Variants in CDH18 observed in about 807,000 individuals in gnomAD.
CDH18 encodes the protein cadherin 18.
Under a neutral mutation model 67.9 loss-of-function variants are expected in CDH18, and 31 were observed. The ratio of observed to expected loss-of-function variants is 0.46; its 90% CI spans 0.34 to 0.62. The LOEUF is 0.62. CDH18 is among the 20% of genes least tolerant of loss of function. The probability of loss-of-function intolerance (pLI) is 0.01; values close to 1 mark genes in which losing one functional copy is unlikely to be tolerated. For missense variants in CDH18, 890 were observed against 975.5 expected (o/e 0.91, Z 1.17); for synonymous variants, 362 against 347.2 (o/e 1.04, Z -0.48).
chr5:20,245,831 C>T (rs933973744), intron 2 of CDH18, among the ~76,000 whole-genome samples: 11 of 152,098 alleles, frequency 7.2e-5, no homozygotes, highest in Non-Finnish European at 4.4e-5. Context: ...TTAATCTTAA[C>T]TGTGCTATGA....
chr5:20,330,886 C>T (rs1384396825), intron 1 of CDH18, among the ~76,000 whole-genome samples: 3 of 152,276 alleles, frequency 2.0e-5, no homozygotes, highest in East Asian at 3.9e-4. Flanking sequence ...TAAACTTTCA[C>T]TCGTGCTTGA....
chr5:19,826,122 G>A (rs933785469), intron 3 of CDH18, among the ~76,000 whole-genome samples: 6 of 108,014 alleles, frequency 5.6e-5, no homozygotes, highest in Non-Finnish European at 1.1e-4. Flanking sequence ...CCAAGCTGAG[G>A]AAATAATCTC....
At chr5:20,459,035 CAAA>C (rs1751042431) in intron 1 of CDH18, among the ~76,000 whole-genome samples, 3 of 74,676 alleles carry the variant, frequency 4.0e-5, no homozygotes, top group Non-Finnish European at 7.5e-5. Flanking sequence ...AAATGATACA[CAAA>C]ACAAAATACT....
chr5:19,516,012 A>T (rs1027081166), intron 10 of CDH18, among the ~76,000 whole-genome samples: 1 of 152,114 alleles, frequency 6.6e-6, no homozygotes, highest in Non-Finnish European at 1.5e-5. Context: ...TATTATTTTG[A>T]GATACATTCC....
At chr5:19,529,996 A>C (rs1164152923) in intron 9 of CDH18, among the ~76,000 whole-genome samples, 2 of 152,160 alleles carry the variant, frequency 1.3e-5, no homozygotes, top group Admixed American at 1.3e-4. Context: ...CAATTTCAAA[A>C]AGGAGGAAGA....
At chr5:19,703,227 C>T (rs145632712) in intron 5 of CDH18, among the ~76,000 whole-genome samples, 268 of 152,114 alleles carry the variant, frequency 1.8e-3, no homozygotes, top group African/African-American at 6.3e-3. Context: ...AAACCTGGGT[C>T]GAAGGGTTGC....
intron 2 of CDH18, among the ~76,000 whole-genome samples, chr5:19,968,806 C>T (rs1416921052): frequency 2.1e-5 from 3 of 145,218 alleles, no homozygotes; most frequent in Non-Finnish European, 4.4e-5. Context: ...GTCTAAAACA[C>T]CAAAAGCAAT....
intron 1 of CDH18, among the ~76,000 whole-genome samples, chr5:20,552,623 A>G (rs1757692901): frequency 6.6e-6 from 1 of 152,236 alleles, no homozygotes; most frequent in Admixed American, 6.5e-5. Context: ...AAAAGTTATA[A>G]ACTCAGATTA....
intron 5 of CDH18, among the ~76,000 whole-genome samples, chr5:19,629,730 A>G (rs1416166564): frequency 6.6e-6 from 1 of 152,218 alleles, no homozygotes; most frequent in East Asian, 1.9e-4. Context: ...TAGGTTATCA[A>G]GGTATACTTC....
chr5:20,342,172 T>C (rs1740322881), intron 1 of CDH18, among the ~76,000 whole-genome samples: 1 of 152,154 alleles, frequency 6.6e-6, no homozygotes, highest in South Asian at 2.1e-4. Flanking sequence ...ACCCGGTGTC[T>C]ACTGTTAAAG....
intron 1 of CDH18, among the ~76,000 whole-genome samples, chr5:20,506,482 A>T (rs1754669084): frequency 6.6e-6 from 1 of 152,228 alleles, no homozygotes; most frequent in African/African-American, 2.4e-5. Context: ...GATAGCAAGG[A>T]GCTGAACCCC....
At chr5:20,402,470 A>G (rs1051692771) in intron 1 of CDH18, among the ~76,000 whole-genome samples, 5 of 152,336 alleles carry the variant, frequency 3.3e-5, no homozygotes, top group African/African-American at 1.2e-4. Context: ...GTACGCAAGG[A>G]CATCTTAGAG....
chr5:20,541,328 A>G (rs990264989), intron 1 of CDH18, among the ~76,000 whole-genome samples: 1 of 152,170 alleles, frequency 6.6e-6, no homozygotes, highest in Admixed American at 6.6e-5. Flanking sequence ...AATGCCTTAG[A>G]CATTAAACTA....
At chr5:20,535,113 A>G (rs1309161310) in intron 1 of CDH18, among the ~76,000 whole-genome samples, 2 of 152,102 alleles carry the variant, frequency 1.3e-5, no homozygotes, top group Non-Finnish European at 2.9e-5. Context: ...TTCAATAACA[A>G]TCACTTGGTT....
intron 2 of CDH18, among the ~76,000 whole-genome samples, chr5:19,840,711 CAAT>C (rs1388181029): frequency 6.6e-6 from 1 of 151,640 alleles, no homozygotes; most frequent in Non-Finnish European, 1.5e-5. Flanking sequence ...TCAAAAAATA[CAAT>C]AAAATAAAAA....
intron 1 of CDH18, among the ~76,000 whole-genome samples, chr5:20,391,566 A>G (rs1265760506): frequency 6.6e-6 from 1 of 152,110 alleles, no homozygotes; most frequent in African/African-American, 2.4e-5. Flanking sequence ...TTTACTAAGT[A>G]TAATCAGCTG....
intron 2 of CDH18, among the ~76,000 whole-genome samples, chr5:20,217,407 G>T (rs7712552): frequency 0.7 from 105,574 of 151,674 alleles, 37,377 homozygotes; most frequent in African/African-American, 0.84. Flanking sequence ...TTTATTAGTT[G>T]TCTCCTTGTT....
At position 20,253,253 on chromosome 5, in the gene CDH18, G is replaced by A. The variant is rs118053830; in HGVS notation, c.-518+2191C>T. Among the ~76,000 whole-genome samples, 1,191 of 152,148 alleles carry A rather than the reference G, an allele frequency of 7.8e-3. 33 individuals are homozygous for A. In the East Asian group the frequency reaches 0.093, roughly 12 times the overall value. ...CCCTCTGAAAGTATCCAGAAACATA[G>A]CCAACTAACTATACTCAACATACAC... On this transcript the variant is annotated intron_variant, in intron 2 of 14. Coordinates refer to the CDH18 transcript ENST00000507958.
chr5:19,573,454 AT>A (rs1277770716), intron 7 of CDH18, among the ~76,000 whole-genome samples: 5 of 151,962 alleles, frequency 3.3e-5, no homozygotes, highest in Non-Finnish European at 4.4e-5. Context: ...AATTTTTTGT[AT>A]TTTTAGTAGA....
Sources: allele counts gnomAD v4.1 joint callset (sites outside exome capture counted in the v4.1 genomes callset), GRCh38; gene constraint gnomAD v4.1.1; transcripts MANE v1.5; gene names NCBI Gene and HGNC (gene_info 2026-07-23, HGNC 2026-07-21).